LRP1B: variants seen among roughly 807,000 people sequenced by gnomAD.
The protein encoded by LRP1B is LDL receptor related protein 1B, also known as low-density lipoprotein receptor-related protein 1B.
Under a neutral mutation model 556.6 loss-of-function variants are expected in LRP1B, and 217 were observed. The ratio of observed to expected loss-of-function variants is 0.39; its 90% CI spans 0.35 to 0.44. The LOEUF (loss-of-function observed/expected upper bound fraction) is 0.44, where lower values mean the gene tolerates loss of function less well. LRP1B is among the 20% of genes least tolerant of loss of function. The pLI is 1.00. For missense variants in LRP1B, 5,053 were observed against 5,620.8 expected, an observed-to-expected ratio of 0.90 and a Z score of 3.23; for synonymous variants, 2,047 against 1,865.8, an observed-to-expected ratio of 1.10 and a Z score of -2.50.
At chr2:141,139,182 C>A (rs1246128966) in intron 7 of LRP1B, among the ~76,000 whole-genome samples, 1 of 151,680 alleles carries the variant, frequency 6.6e-6, no homozygotes, top group African/African-American at 2.4e-5. Context: ...ATACCATACA[C>A]AACAATTAAC....
chr2:140,445,177 G>A (rs1329765149), intron 63 of LRP1B, among the ~76,000 whole-genome samples: 2 of 151,918 alleles, frequency 1.3e-5, no homozygotes, highest in East Asian at 1.9e-4. Context: ...GTGCAGTGGT[G>A]CAATCTTGGC....
intron 2 of LRP1B, among the ~76,000 whole-genome samples, chr2:141,798,705 C>CAA (rs151310050): frequency 0.075 from 4,618 of 61,824 alleles, 461 homozygotes; most frequent in African/African-American, 0.19. Flanking sequence ...GACTCTGTCT[C>CAA]AAAAAAAAAA....
chr2:141,523,927 A>T (rs190723921), intron 2 of LRP1B, among the ~76,000 whole-genome samples: 3 of 152,172 alleles, frequency 2.0e-5, no homozygotes, highest in Admixed American at 2.0e-4. Flanking sequence ...AACTAAACCA[A>T]TGATTGTCAC....
chr2:141,486,456 T>G (rs533669719), intron 2 of LRP1B, among the ~76,000 whole-genome samples: 8 of 152,154 alleles, frequency 5.3e-5, no homozygotes, highest in Non-Finnish European at 1.0e-4. Context: ...ATATCTCTTC[T>G]GATTAAAGAA....
At chr2:141,982,297 G>C (rs1159096779) in intron 1 of LRP1B, among the ~76,000 whole-genome samples, 3 of 152,136 alleles carry the variant, frequency 2.0e-5, no homozygotes, top group Admixed American at 6.5e-5. Flanking sequence ...AAGCATTCAA[G>C]AAAGTATTTT....
chr2:141,466,365 G>T (rs1682201105), intron 3 of LRP1B, among the ~76,000 whole-genome samples: 1 of 152,160 alleles, frequency 6.6e-6, no homozygotes, highest in African/African-American at 2.4e-5. Flanking sequence ...TACCTAGTGA[G>T]TAACTAACTG....
At chr2:141,459,681 A>C (rs980215360) in intron 3 of LRP1B, among the ~76,000 whole-genome samples, 6 of 152,068 alleles carry the variant, frequency 3.9e-5, no homozygotes, top group South Asian at 2.1e-4. Context: ...GGTATAAAGG[A>C]AAGTTTTCCT....
At chr2:140,515,820 C>T (rs983764119) in intron 50 of LRP1B, among the ~76,000 whole-genome samples, 2 of 152,036 alleles carry the variant, frequency 1.3e-5, no homozygotes, top group Non-Finnish European at 2.9e-5. Context: ...ATAAAATGCA[C>T]CTTCACATTT....
chr2:140,233,576 T>C (rs1477420160), intron 90 of LRP1B, among the ~76,000 whole-genome samples: 3 of 151,190 alleles, frequency 2.0e-5, no homozygotes, highest in Non-Finnish European at 4.4e-5. Context: ...AGCTTTGCCA[T>C]ATACAAAAAG....
intron 35 of LRP1B, among the ~76,000 whole-genome samples, chr2:140,743,922 G>A (rs147678298): frequency 0.051 from 6,403 of 125,404 alleles, 210 homozygotes; most frequent in Admixed American, 0.13. Flanking sequence ...AGCCGAGATC[G>A]CGCCACTGCA....
At chr2:141,810,846 G>A (rs972056146) in intron 1 of LRP1B, among the ~76,000 whole-genome samples, 13 of 151,940 alleles carry the variant, frequency 8.6e-5, no homozygotes, top group African/African-American at 2.9e-4. Flanking sequence ...CCATTTCTGA[G>A]TATTCAGTTC....
chr2:140,550,610 AAC>A (rs1162841921), intron 43 of LRP1B, among the ~76,000 whole-genome samples: 2 of 151,998 alleles, frequency 1.3e-5, no homozygotes, highest in Non-Finnish European at 2.9e-5. Context: ...CAGTCCTCCA[AAC>A]ACACACACAC....
At chr2:141,940,607 C>T (rs1700768328) in intron 1 of LRP1B, among the ~76,000 whole-genome samples, 1 of 152,160 alleles carries the variant, frequency 6.6e-6, no homozygotes, top group South Asian at 2.1e-4. Context: ...CATGATTTAA[C>T]TAAATCCGGT....
chr2:140,700,348 C>T lies in LRP1B; in HGVS notation c.6701G>A (p.Arg2234Lys), dbSNP rs2105420176. 1 of 1,613,058 alleles carries T rather than the reference C, an allele frequency of 6.2e-7. No individual in the cohort carries two copies. Among genetic ancestry groups the T allele is most frequent in the Non-Finnish European group, 8.5e-7 (1 of 1,179,562 alleles). ...VIALAFDYNQ[R>K]RKGTNRIFYS... The stretch of plus-strand genomic sequence containing the variant: ...AAAGATTCGGTTGGTACCTTTTCTT[C>T]TTTGATTATAGTCAAAAGCCAAGGC... Residue 2234 changes from arginine (R) to lysine (K), a missense_variant, in exon 41 of 91, where the codon AGA becomes AAA. Transcript: ENST00000389484.
At chr2:141,645,339 G>A (rs1031142171) in intron 2 of LRP1B, among the ~76,000 whole-genome samples, 2 of 152,024 alleles carry the variant, frequency 1.3e-5, no homozygotes, top group African/African-American at 4.8e-5. Context: ...CTCATATGAA[G>A]AAATCTATTC....
chr2:141,041,342 C>T (rs1194015336), intron 11 of LRP1B, among the ~76,000 whole-genome samples: 1 of 152,040 alleles, frequency 6.6e-6, no homozygotes, highest in East Asian at 1.9e-4. Context: ...GGTCAATATC[C>T]AGGACTGGTT....
chr2:140,513,380 A>T (rs1043632631), intron 51 of LRP1B, among the ~76,000 whole-genome samples: 1 of 152,106 alleles, frequency 6.6e-6, no homozygotes, highest in Non-Finnish European at 1.5e-5. Context: ...CAAAAGTAAG[A>T]TAATTTTAGA....
chr2:141,068,433 G>C (rs1042641979), intron 7 of LRP1B, among the ~76,000 whole-genome samples: 8 of 151,760 alleles, frequency 5.3e-5, no homozygotes, highest in African/African-American at 9.7e-5. Flanking sequence ...AGATTGGTCG[G>C]ACCAGGTGTG....
At chr2:140,241,659 C>T (rs865905792) in intron 87 of LRP1B, among the ~76,000 whole-genome samples, 2 of 150,752 alleles carry the variant, frequency 1.3e-5, no homozygotes, top group African/African-American at 4.9e-5. Context: ...AAAGTAACTA[C>T]TATAAAACCT....
Sources: gnomAD v4.1 joint callset for allele counts (sites outside exome capture counted in the v4.1 genomes callset) on GRCh38, gnomAD v4.1.1 for gene constraint, MANE v1.5 for transcripts, NCBI Gene and HGNC (gene_info 2026-07-23, HGNC 2026-07-21) for gene names.